NBDY: variants seen among roughly 807,000 people sequenced by gnomAD.
NBDY encodes the protein negative regulator of P-body association, also known as P-body dissociating protein.
intron 2 of NBDY, chrX:56,737,454 C>T (rs2069501966): frequency 2.9e-6 from 2 of 698,804 alleles, no homozygotes; most frequent in African/African-American, 2.2e-5. Flanking sequence ...TTTATGTCTT[C>T]ATCCTCATAT....
chrX:56,739,238 G>GTA (rs1198957018), intron 2 of NBDY, among the ~76,000 whole-genome samples: 2,624 of 59,580 alleles, frequency 0.044, 59 homozygotes, highest in Admixed American at 0.056. Context: ...GTTTGTGTGT[G>GTA]TATATATATA....
intron 2 of NBDY, among the ~76,000 whole-genome samples, chrX:56,759,281 G>C (rs1030800102): frequency 2.7e-5 from 3 of 112,087 alleles, no homozygotes; most frequent in African/African-American, 9.7e-5. Context: ...CAGTCCACCT[G>C]TGGTGTCCCA....
chrX:56,781,400 C>T (rs941384587), intron 2 of NBDY, among the ~76,000 whole-genome samples: 6 of 111,826 alleles, frequency 5.4e-5, no homozygotes, highest in Non-Finnish European at 1.1e-4. Context: ...CAGCAGGGAA[C>T]AGGGCAGTCT....
At chrX:56,813,818 G>C (rs996411988) in intron 2 of NBDY, among the ~76,000 whole-genome samples, 1 of 111,228 alleles carries the variant, frequency 9.0e-6, no homozygotes, top group African/African-American at 3.3e-5. Flanking sequence ...GAGCTTTCTT[G>C]GTCAAACTGC....
chrX:56,807,635 G>A (rs961563531), intron 2 of NBDY, among the ~76,000 whole-genome samples: 21 of 111,703 alleles, frequency 1.9e-4, no homozygotes, highest in African/African-American at 6.2e-4. Flanking sequence ...TTGGGGTATA[G>A]GAATGCTTGT....
At chrX:56,753,877 A>G (rs768498636) in intron 2 of NBDY, among the ~76,000 whole-genome samples, 8 of 111,647 alleles carry the variant, frequency 7.2e-5, no homozygotes, top group Admixed American at 1.9e-4. Flanking sequence ...TAGAAGGGAC[A>G]GAAAAAAGAT....
intron 2 of NBDY, among the ~76,000 whole-genome samples, chrX:56,801,977 GACACACACACACACACAC>G (rs5902560): frequency 2.0e-5 from 2 of 99,620 alleles, no homozygotes; most frequent in South Asian, 5.0e-4. Flanking sequence ...CAAACTCATA[GACACACACACACACACAC>G]ACACACACAC....
At chrX:56,761,693 G>A (rs368095872) in intron 2 of NBDY, among the ~76,000 whole-genome samples, 2 of 112,896 alleles carry the variant, frequency 1.8e-5, no homozygotes, top group South Asian at 3.6e-4. Flanking sequence ...GTCAGGATTC[G>A]CCTGGAAGGC....
At chrX:56,755,613 A>G (rs1397859335) in intron 2 of NBDY, among the ~76,000 whole-genome samples, 1 of 111,946 alleles carries the variant, frequency 8.9e-6, no homozygotes, top group Admixed American at 9.4e-5. Flanking sequence ...ACCAGTTAGA[A>G]TGGAAATCAT....
rs561315226 is a variant in NBDY at position 56,729,968 on chromosome X, T to G, written c.*29+379T>G. Among the ~76,000 whole-genome samples the G allele has an allele frequency of 8.9e-4, 98 of 109,935 alleles. 5 individuals are homozygous for G. In the South Asian group the frequency reaches 0.039, roughly 44 times the overall value. ...GATTTATTATATTATTCTCTCTACT[T>G]TTGCGTGCATTGGAAAATTTTTTTG... On this transcript the variant is annotated intron_variant, in intron 1 of 2. Coordinates refer to ENST00000374922, the MANE Select transcript of NBDY (RefSeq NM_001348129.2).
intron 2 of NBDY, among the ~76,000 whole-genome samples, chrX:56,790,888 G>A (rs929288313): frequency 7.1e-5 from 8 of 112,291 alleles, no homozygotes; most frequent in African/African-American, 2.6e-4. Context: ...AATATTTGCT[G>A]GCAGATCGTG....
chrX:56,813,212 T>A (rs2069895792), intron 2 of NBDY, among the ~76,000 whole-genome samples: 1 of 111,618 alleles, frequency 9.0e-6, no homozygotes, highest in Non-Finnish European at 1.9e-5. Context: ...CAGGAGTTAC[T>A]TTTAAGTGAA....
chrX:56,812,999 T>C (rs762344883), intron 2 of NBDY, among the ~76,000 whole-genome samples: 2 of 110,274 alleles, frequency 1.8e-5, no homozygotes, highest in Non-Finnish European at 3.8e-5. Context: ...ATGAGAACAC[T>C]TGGACACAGG....
intron 2 of NBDY, among the ~76,000 whole-genome samples, chrX:56,751,413 A>T (rs1457104404): frequency 8.9e-6 from 1 of 112,195 alleles, no homozygotes; most frequent in Non-Finnish European, 1.9e-5. Flanking sequence ...GTGAATGTAC[A>T]TTGAATTCTC....
chrX:56,798,387 C>G (rs1226907321), intron 2 of NBDY, among the ~76,000 whole-genome samples: 1 of 111,540 alleles, frequency 9.0e-6, no homozygotes, highest in East Asian at 2.8e-4. Flanking sequence ...CCACATCCTC[C>G]CACCCCTGCC....
At chrX:56,739,236 G>GTATATATA (rs67727538) in intron 2 of NBDY, among the ~76,000 whole-genome samples, 12,898 of 57,246 alleles carry the variant, frequency 0.23, 1,707 homozygotes, top group Non-Finnish European at 0.3. Flanking sequence ...GTGTTTGTGT[G>GTATATATA]TGTATATATA....
chrX:56,732,312 T>C (rs2069463491), intron 2 of NBDY, 113 bp downstream of exon 2: 1 of 281,583 alleles, frequency 3.6e-6, no homozygotes, highest in African/African-American at 2.8e-5. Context: ...AATGATAAAA[T>C]TGAAACTATA....
chrX:56,791,486 G>T (rs936147464), intron 2 of NBDY, among the ~76,000 whole-genome samples: 1 of 111,542 alleles, frequency 9.0e-6, no homozygotes, highest in African/African-American at 3.3e-5. Context: ...TTTGCAGTTG[G>T]CTGATGACAT....
At chrX:56,808,734 A>G (rs1018491776) in intron 2 of NBDY, among the ~76,000 whole-genome samples, 2 of 111,061 alleles carry the variant, frequency 1.8e-5, no homozygotes, top group African/African-American at 6.6e-5. Context: ...GATTTTTTTG[A>G]TGGGTTTTTC....
Sources: allele counts gnomAD v4.1 joint callset (sites outside exome capture counted in the v4.1 genomes callset), GRCh38; gene constraint gnomAD v4.1.1; transcripts MANE v1.5; gene names NCBI Gene and HGNC (gene_info 2026-07-23, HGNC 2026-07-21).